Variants in RSPH3 observed in about 807,000 individuals in gnomAD.
RSPH3 encodes radial spoke head protein 3 homolog.
RSPH3 carries 21 observed loss-of-function variants against 43.8 expected under a neutral mutation model. The observed-to-expected ratio is 0.48, with a 90% CI of 0.34 to 0.69. The LOEUF is 0.69. Among genes scored for constraint, RSPH3 ranks in the 30% least tolerant of loss-of-function variants. The probability of loss-of-function intolerance (pLI) is 0.01; values close to 1 mark genes in which losing one functional copy is unlikely to be tolerated. For missense variants in RSPH3, 487 were observed against 516.0 expected (o/e 0.94, Z 0.54); for synonymous variants, 173 against 179.8 (o/e 0.96, Z 0.30).
rs1367505157 is a variant in RSPH3 at position 158,975,930 on chromosome 6, C to T, written c.*1608G>A. On this transcript the variant is annotated 3_prime_UTR_variant, in exon 8 of 8. Transcript: ENST00000367069. The stretch of plus-strand genomic sequence containing the variant: ...AGGTGCGGTGGCTCATGCCTGTAGT[C>T]CTAGCACTTTGGGAGGCCAAGGTGG... 2 of 152,370 alleles carry T rather than the reference C, an allele frequency of 1.3e-5. No homozygotes were observed. Among genetic ancestry groups the T allele is most frequent in the South Asian group, 2.1e-4 (1 of 4,838 alleles). The allele number at this position is 152,370 out of a possible 1,614,324, so 9.4% of individuals were successfully genotyped here.
the RSPH3 span, among the ~76,000 whole-genome samples, chr6:158,965,089 T>C: frequency 6.6e-6 from 1 of 152,154 alleles, no homozygotes; most frequent in Non-Finnish European, 1.5e-5. Context: ...CTTGAACATA[T>C]GTCAAAAATT....
intron 3 of RSPH3, among the ~76,000 whole-genome samples, chr6:158,985,041 A>G (rs1312263264): frequency 6.6e-6 from 1 of 152,230 alleles, no homozygotes; most frequent in African/African-American, 2.4e-5. Context: ...GTACAAAGTG[A>G]ACCTGAAGTA....
the RSPH3 span, among the ~76,000 whole-genome samples, chr6:158,963,361 T>C: frequency 7.0e-6 from 1 of 143,572 alleles, no homozygotes. Flanking sequence ...TTTCTTTCTT[T>C]CAGATAGGGT....
At chr6:158,979,506 A>G (rs779497776) in intron 6 of RSPH3, among the ~76,000 whole-genome samples, 4 of 152,110 alleles carry the variant, frequency 2.6e-5, no homozygotes, top group Admixed American at 2.0e-4. Flanking sequence ...TAATATTTCC[A>G]CTGCCTGAGG....
In RSPH3 at chr6:158,999,710, A is replaced by G; in HGVS notation, c.-160T>C. ...AGGGAGGCGGGCGGGACGGGAGGTT[A>G]CCAGCGCAGGAGGTGGGAGCTATAC... On this transcript the variant is annotated 5_prime_UTR_variant, in exon 1 of 8. Transcript: ENST00000367069. The G allele has an allele frequency of 6.2e-7, 1 of 1,613,758 alleles. No homozygotes were observed. Among genetic ancestry groups the G allele is most frequent in the Non-Finnish European group, 8.5e-7 (1 of 1,179,856 alleles).
the RSPH3 span, among the ~76,000 whole-genome samples, chr6:158,967,080 C>A: frequency 0.018 from 2,674 of 151,840 alleles, 31 homozygotes; most frequent in Middle Eastern, 0.037. Flanking sequence ...TATGATCATG[C>A]ATCACTGTAG....
At chr6:158,969,855 A>T (rs1777674822), downstream of RSPH3, among the ~76,000 whole-genome samples, 1 of 152,306 alleles carries the variant, frequency 6.6e-6, no homozygotes, top group Non-Finnish European at 1.5e-5. Flanking sequence ...TTTGGTTCTT[A>T]AAAAATGTTT....
Position 158,975,507 on chromosome 6 carries a change from C to A in RSPH3, c.*2031G>T, listed in dbSNP as rs1050874924. 1 of 152,130 alleles carries A rather than the reference C, an allele frequency of 6.6e-6. No individual in the cohort carries two copies. The allele number at this position is 152,130 out of a possible 1,614,324, so 9.4% of individuals were successfully genotyped here. A position where few individuals can be genotyped will look rare whatever the true frequency, so the allele number is the denominator to read the frequency against. The stretch of plus-strand genomic sequence containing the variant: ...TTGCAAATCACTTTAAATTCCTGAG[C>A]TTTGGTTTCTTTATTTACATCATTT... On this transcript the variant is annotated 3_prime_UTR_variant, in exon 8 of 8. Transcript: ENST00000367069.
rs377622198 is a variant in RSPH3 at position 158,998,521 on chromosome 6, T to A, written c.116+914A>T. ...CTTATGTTTTGTTTTTTTTCTTTCC[T>A]ATGTATGTTTGAATATTTGCAACTG... On this transcript the variant is annotated intron_variant, in intron 1 of 7. Transcript: ENST00000367069. Among the ~76,000 whole-genome samples, 19 of 149,490 alleles carry A rather than the reference T, an allele frequency of 1.3e-4. 1 individual carries two copies. In the South Asian group the frequency reaches 2.3e-3, roughly 18 times the overall value.
At chr6:158,995,121 C>T (rs906435983) in intron 1 of RSPH3, among the ~76,000 whole-genome samples, 6 of 152,110 alleles carry the variant, frequency 3.9e-5, no homozygotes, top group African/African-American at 1.2e-4. Context: ...TGACCTCATC[C>T]ATCTTCAAGA....
chr6:158,966,719 G>T, the RSPH3 span, among the ~76,000 whole-genome samples: 22 of 150,916 alleles, frequency 1.5e-4, no homozygotes, highest in South Asian at 1.2e-3. Context: ...TTCTTGGTCA[G>T]TTTAGTTTTG....
chr6:158,972,962 A>G lies in RSPH3; in HGVS notation c.*4576T>C, dbSNP rs1470752743. 1 of 152,216 alleles carries G rather than the reference A, an allele frequency of 6.6e-6. No homozygotes were observed. Among genetic ancestry groups the G allele is most frequent in the Non-Finnish European group, 1.5e-5 (1 of 68,048 alleles). The allele number at this position is 152,216 out of a possible 1,614,324, so 9.4% of individuals were successfully genotyped here. A position where few individuals can be genotyped will look rare whatever the true frequency, so the allele number is the denominator to read the frequency against. On this transcript the variant is annotated 3_prime_UTR_variant, in exon 8 of 8. Coordinates refer to ENST00000367069, the MANE Select transcript of RSPH3 (RefSeq NM_031924.8). Reference sequence around the variant, plus strand: ...TTCAAAAGAAGAATCATAGGTACCAATTCAACACCATTAGCACTACTTTCA... The same window carrying G: ...TTCAAAAGAAGAATCATAGGTACCAGTTCAACACCATTAGCACTACTTTCA...
At chr6:158,979,053 C>T (rs1163768415) in intron 6 of RSPH3, among the ~76,000 whole-genome samples, 3 of 152,124 alleles carry the variant, frequency 2.0e-5, no homozygotes, top group Non-Finnish European at 4.4e-5. Context: ...TGATCAGACT[C>T]AGAGAATGCA....
rs1778570976 is a variant in RSPH3, at chr6:158,995,770, T to G, written c.117-1844A>C. Reference sequence around the variant, plus strand: ...CCACCACGCCCGGCTCATTTTTTTTTGTATTTTTTTAGTAGAGACGGGGTT... The same window carrying G: ...CCACCACGCCCGGCTCATTTTTTTTGGTATTTTTTTAGTAGAGACGGGGTT... On this transcript the variant is annotated intron_variant, in intron 1 of 7. Coordinates refer to ENST00000367069, the MANE Select transcript of RSPH3 (RefSeq NM_031924.8). 2.0e-5 allele frequency among the ~76,000 whole-genome samples: 3 copies of G among 152,062 alleles called. No homozygotes were observed. In the South Asian group the frequency reaches 6.2e-4, roughly 32 times the overall value.
In RSPH3 at chr6:158,974,862, A is replaced by G. The variant is rs1777785122; in HGVS notation, c.*2676T>C. On this transcript the variant is annotated 3_prime_UTR_variant, in exon 8 of 8. Transcript: ENST00000367069. Reference sequence around the variant, plus strand: ...AATTTTAAGGTTTTTTTTTTTTGAGAAGGAGTCTCACTCTGTCTTCCAGGC... The same window carrying G: ...AATTTTAAGGTTTTTTTTTTTTGAGGAGGAGTCTCACTCTGTCTTCCAGGC... The G allele has an allele frequency of 6.8e-6, 1 of 146,334 alleles. No individual in the cohort carries two copies. The highest frequency in any genetic ancestry group is 1.5e-5 in the Non-Finnish European group (1 of 64,860). 9.1% of individuals were successfully genotyped at this position (146,334 alleles called of 1,614,324 possible).
In RSPH3 at chr6:158,999,603, G is replaced by A. The variant is rs1357392788; in HGVS notation, c.-53C>T. The A allele has an allele frequency of 7.4e-6, 12 of 1,610,916 alleles. No homozygotes were observed. The highest frequency in any genetic ancestry group is 1.0e-5 in the Non-Finnish European group (12 of 1,177,550). ...GTGGAGCTTGGCTTTGAAGCAGGTG[G>A]GCGCTAAGGTGTTGTGGGACCCGGA... is the stretch of plus-strand genomic sequence containing the variant. On this transcript the variant is annotated 5_prime_UTR_variant, in exon 1 of 8. Coordinates refer to ENST00000367069, the MANE Select transcript of RSPH3 (RefSeq NM_031924.8).
chr6:158,969,189 T>C (rs1184886247), downstream of RSPH3, among the ~76,000 whole-genome samples: 1 of 152,214 alleles, frequency 6.6e-6, no homozygotes, highest in Non-Finnish European at 1.5e-5. Flanking sequence ...GTATTTCTTG[T>C]AGGGTAGGTG....
chr6:158,964,328 G>A, the RSPH3 span, among the ~76,000 whole-genome samples: 2 of 152,104 alleles, frequency 1.3e-5, no homozygotes, highest in African/African-American at 2.4e-5. Context: ...TCAAATCTAA[G>A]GATCAATGGG....
Position 158,973,533 on chromosome 6 carries a change from AG to A in RSPH3, c.*4004del, listed in dbSNP as rs543887238. On this transcript the variant is annotated 3_prime_UTR_variant, in exon 8 of 8. Transcript: ENST00000367069. ...TCATATGTTTTTAAAATGAAACACT[AG>A]ACTGATAAATCAGTTCTTTTTCTTA... 1.3e-5 allele frequency: 2 copies of A among 152,216 alleles called. No individual in the cohort carries two copies. Among genetic ancestry groups the A allele is most frequent in the Non-Finnish European group, 2.9e-5 (2 of 68,026 alleles). The allele number at this position is 152,216 out of a possible 1,614,324, so 9.4% of individuals were successfully genotyped here. A position where few individuals can be genotyped will look rare whatever the true frequency, so the allele number is the denominator to read the frequency against.
Sources: gnomAD v4.1 joint callset for allele counts (sites outside exome capture counted in the v4.1 genomes callset) on GRCh38, gnomAD v4.1.1 for gene constraint, MANE v1.5 for transcripts, NCBI Gene and HGNC (gene_info 2026-07-23, HGNC 2026-07-21) for gene names.